The following QSER1 variants were observed in gnomAD, a reference collection of about 807,000 sequenced individuals.
QSER1 encodes glutamine and serine-rich protein 1.
In QSER1, 49 loss-of-function variants were observed where a neutral mutation model predicts 158.5. The observed-to-expected ratio is 0.31, with a 90% CI of 0.25 to 0.39. The LOEUF (loss-of-function observed/expected upper bound fraction) is 0.39. Ranked by LOEUF, QSER1 falls within the 10% of genes least tolerant of loss-of-function variation. The pLI is 1.00. For missense variants in QSER1, 1,754 were observed against 2,010.3 expected, an observed-to-expected ratio of 0.87 and a Z score of 2.44; for synonymous variants, 650 against 715.5, an observed-to-expected ratio of 0.91 and a Z score of 1.46.
intron 4 of QSER1, among the ~76,000 whole-genome samples, chr11:32,939,779 T>C (rs1852202809): frequency 6.6e-6 from 1 of 152,050 alleles, no homozygotes; most frequent in Admixed American, 6.6e-5. Context: ...CTTTTGCTAG[T>C]TTTGGTCTGT....
At chr11:32,899,868 T>C (rs1851603089) in intron 1 of QSER1, among the ~76,000 whole-genome samples, 1 of 152,224 alleles carries the variant, frequency 6.6e-6, no homozygotes, top group African/African-American at 2.4e-5. Context: ...TGGATTCATA[T>C]CTAGCATCTG....
At chr11:32,927,825 A>T in intron 2 of QSER1, 137 bp from the exon 3 acceptor site, 1 of 390,238 alleles carries the variant, frequency 2.6e-6, no homozygotes, top group Non-Finnish European at 4.5e-6. Context: ...TATGTTTACT[A>T]TCAAAATAAA....
Position 32,934,721 on chromosome 11 carries a change from A to G in QSER1, c.3463A>G (p.Thr1155Ala). 2 of 1,613,742 alleles carry G rather than the reference A, an allele frequency of 1.2e-6. No homozygotes were observed. Among genetic ancestry groups the G allele is most frequent in the South Asian group, 2.2e-5 (2 of 91,018 alleles). ...GAATGCTACATCAGAGAGTGAATTTACCTTAGGGGGTGACGACAGTGGTGT... is the reference window on the plus strand; with the variant it reads ...GAATGCTACATCAGAGAGTGAATTTGCCTTAGGGGGTGACGACAGTGGTGT... Reference protein sequence around the residue: ...GENATSESEFTLGGDDSGVSM... With the variant: ...GENATSESEFALGGDDSGVSM... The change falls in exon 4 of 13, where the codon ACC becomes GCC. Residue 1155 changes from threonine to alanine, a missense_variant. Coordinates refer to ENST00000650167, the MANE Select transcript of QSER1 (RefSeq NM_001076786.3).
At position 32,896,511 on chromosome 11, in the gene QSER1, A is replaced by G. The variant is rs576651512; in HGVS notation, c.209+3177A>G. Among the ~76,000 whole-genome samples the G allele has an allele frequency of 2.0e-5, 3 of 151,988 alleles. 1 individual carries two copies. The East Asian group carries it at 5.8e-4, about 29-fold the overall frequency. ...CTAACCACACCTGGCTAATTTTTGTATTTTTAGTAGAGATGGGGCTTCACC... is the reference window on the plus strand; with the variant it reads ...CTAACCACACCTGGCTAATTTTTGTGTTTTTAGTAGAGATGGGGCTTCACC... On this transcript the variant is annotated intron_variant, in intron 1 of 12. Coordinates refer to ENST00000650167, the MANE Select transcript of QSER1 (RefSeq NM_001076786.3).
At chr11:32,946,843 G>T (rs1177205248) in intron 4 of QSER1, among the ~76,000 whole-genome samples, 1 of 152,096 alleles carries the variant, frequency 6.6e-6, no homozygotes, top group Non-Finnish European at 1.5e-5. Flanking sequence ...CTGCCACCTT[G>T]CAGTTTGATC....
At chr11:32,954,786 C>T (rs1852483871) in intron 5 of QSER1, among the ~76,000 whole-genome samples, 1 of 152,178 alleles carries the variant, frequency 6.6e-6, no homozygotes, top group South Asian at 2.1e-4. Flanking sequence ...TCCCAAAGTG[C>T]TGGGATTACA....
chr11:32,924,105 A>C (rs1311306471), intron 1 of QSER1, among the ~76,000 whole-genome samples: 1 of 152,210 alleles, frequency 6.6e-6, no homozygotes, highest in East Asian at 1.9e-4. Flanking sequence ...TGAGTCACAG[A>C]CCTAAACATA....
At chr11:32,929,593 T>C (rs1852019028) in intron 3 of QSER1, among the ~76,000 whole-genome samples, 1 of 152,156 alleles carries the variant, frequency 6.6e-6, no homozygotes, top group East Asian at 1.9e-4. Flanking sequence ...CCTAAACTAA[T>C]GTACTCTAAA....
chr11:32,913,993 G>GATT (rs1158105377), intron 1 of QSER1, among the ~76,000 whole-genome samples: 3 of 152,138 alleles, frequency 2.0e-5, no homozygotes, highest in African/African-American at 7.2e-5. Flanking sequence ...AATAAGAGCT[G>GATT]ATTATTCTTA....
Position 32,933,264 on chromosome 11 carries a change from C to T in QSER1, c.2006C>T (p.Pro669Leu). Reference protein sequence around the residue: ...CQTLQNNITSPDPKSYAERKL... With the variant: ...CQTLQNNITSLDPKSYAERKL... ...ACATTACAAAATAACATAACTTCCC[C>T]TGACCCAAAGTCTTATGCTGAAAGA... The change falls in exon 4 of 13, where the codon CCT (proline) becomes CTT (leucine). Residue 669 changes from proline to leucine, a missense_variant. Physicochemically the swap from Pro to Leu is moderately conservative, Grantham distance 98. Around this residue, in one of 2 missense-constraint regions of QSER1, gnomAD observed 1,707 missense variants for 1,919.6 expected, o/e 0.89. Coordinates refer to ENST00000650167, the MANE Select transcript of QSER1 (RefSeq NM_001076786.3). The T allele has an allele frequency of 6.2e-7, 1 of 1,613,090 alleles. No homozygotes were observed.
At chr11:32,901,001 T>G (rs576252989) in intron 1 of QSER1, among the ~76,000 whole-genome samples, 2 of 152,236 alleles carry the variant, frequency 1.3e-5, no homozygotes, top group Non-Finnish European at 2.9e-5. Context: ...GAATGCATGT[T>G]CCATGAGAAC....
intron 1 of QSER1, among the ~76,000 whole-genome samples, chr11:32,902,522 G>A (rs57935566): frequency 0.013 from 1,976 of 152,234 alleles, 41 homozygotes; most frequent in African/African-American, 0.045. Context: ...TCATCTCTTC[G>A]CAAAGAACTT....
intron 8 of QSER1, 123 bp from the exon 9 acceptor site, chr11:32,966,177 G>GA (rs1166309084): frequency 1.4e-5 from 15 of 1,070,700 alleles, no homozygotes; most frequent in Non-Finnish European, 2.0e-5. Flanking sequence ...AAGGTAAGGT[G>GA]AGAAAGTCTT....
chr11:32,908,185 GAAGA>G (rs1851718143), intron 1 of QSER1, among the ~76,000 whole-genome samples: 1 of 152,212 alleles, frequency 6.6e-6, no homozygotes, highest in Non-Finnish European at 1.5e-5. Flanking sequence ...TCTTTGTCCA[GAAGA>G]AAGATTGATA....
chr11:32,944,150 C>T (rs1852289009), intron 4 of QSER1, among the ~76,000 whole-genome samples: 1 of 152,078 alleles, frequency 6.6e-6, no homozygotes. Flanking sequence ...GTCTTGGTAG[C>T]AGTCTATCAA....
At chr11:32,941,028 A>T (rs1036056633) in intron 4 of QSER1, among the ~76,000 whole-genome samples, 1 of 151,626 alleles carries the variant, frequency 6.6e-6, no homozygotes, top group Non-Finnish European at 1.5e-5. Context: ...TATCTAATGA[A>T]TGGCATTTAA....
intron 1 of QSER1, among the ~76,000 whole-genome samples, chr11:32,914,464 A>G (rs1851808487): frequency 6.6e-6 from 1 of 152,234 alleles, no homozygotes; most frequent in Non-Finnish European, 1.5e-5. Context: ...TGACCAAATT[A>G]TTTAACACAA....
intron 4 of QSER1, among the ~76,000 whole-genome samples, chr11:32,938,455 G>A (rs2133557777): frequency 6.6e-6 from 1 of 152,308 alleles, no homozygotes; most frequent in Admixed American, 6.5e-5. Flanking sequence ...CACATAGGTT[G>A]CACAGTCCCA....
At chr11:32,909,026 G>A (rs1323035207) in intron 1 of QSER1, among the ~76,000 whole-genome samples, 1 of 152,110 alleles carries the variant, frequency 6.6e-6, no homozygotes, top group Non-Finnish European at 1.5e-5. Flanking sequence ...TGGGCGTGGT[G>A]GTACACGCCT....
Sources: allele counts gnomAD v4.1 joint callset (sites outside exome capture counted in the v4.1 genomes callset), GRCh38; gene constraint gnomAD v4.1.1; regional missense constraint gnomAD v4.1.1; transcripts MANE v1.5; gene names NCBI Gene and HGNC (gene_info 2026-07-23, HGNC 2026-07-21).